The following KIF1B variants were observed in gnomAD, a reference collection of about 807,000 sequenced individuals.
KIF1B encodes the protein kinesin-like protein KIF1B.
KIF1B carries 76 observed loss-of-function variants against 241.9 expected under a neutral mutation model. The ratio of observed to expected loss-of-function variants is 0.31; its 90% confidence interval spans 0.26 to 0.38. The LOEUF is 0.38. KIF1B is among the 10% of genes least tolerant of loss of function. The pLI, the probability that KIF1B is intolerant of heterozygous loss-of-function variation, is 1.00. For missense variants in KIF1B, 1,622 were observed against 2,271.4 expected (o/e 0.71, Z 5.81); for synonymous variants, 750 against 796.7 (o/e 0.94, Z 0.99).
intron 34 of KIF1B, chr1:10,345,539 A>G (rs961494312): frequency 5.5e-6 from 2 of 364,842 alleles, no homozygotes; most frequent in Non-Finnish European, 1.0e-5. Context: ...ACAATCTGAG[A>G]TTCTGGAATT....
chr1:10,367,302 G>T (rs1557741110), intron 43 of KIF1B, among the ~76,000 whole-genome samples: 2 of 151,364 alleles, frequency 1.3e-5, no homozygotes, highest in South Asian at 4.2e-4. Flanking sequence ...CACCATGTTG[G>T]CCAGGCTGGT....
chr1:10,288,214 G>T (rs1355894401), intron 15 of KIF1B, among the ~76,000 whole-genome samples: 1 of 152,200 alleles, frequency 6.6e-6, no homozygotes, highest in Admixed American at 6.5e-5. Context: ...CTGGAGTGTA[G>T]TGGTGCAGTC....
At chr1:10,227,528 G>T (rs1358961689) in intron 1 of KIF1B, among the ~76,000 whole-genome samples, 5 of 152,018 alleles carry the variant, frequency 3.3e-5, no homozygotes, top group Non-Finnish European at 7.4e-5. Context: ...TTTTATTCAG[G>T]GTTTGGTTTT....
chr1:10,363,190 G>C (rs1376542999), intron 40 of KIF1B, 93 bp from the exon 41 acceptor site: 1 of 917,332 alleles, frequency 1.1e-6, no homozygotes, highest in Non-Finnish European at 1.8e-6. Context: ...TTGAGTCCCT[G>C]CAGAGAAGAC....
chr1:10,362,941 G>A (rs1401124152), intron 40 of KIF1B, among the ~76,000 whole-genome samples: 1 of 152,046 alleles, frequency 6.6e-6, no homozygotes, highest in Non-Finnish European at 1.5e-5. Context: ...GTATAGTGGT[G>A]TATGCCTGAA....
At chr1:10,249,358 T>A (rs188274593) in intron 2 of KIF1B, among the ~76,000 whole-genome samples, 2 of 152,272 alleles carry the variant, frequency 1.3e-5, no homozygotes, top group African/African-American at 4.8e-5. Context: ...TAGTAAAATC[T>A]ACTGGTATTT....
chr1:10,360,854 T>C (rs993903244), intron 38 of KIF1B, 75 bp from the exon 39 acceptor site: 2 of 953,918 alleles, frequency 2.1e-6, no homozygotes, highest in African/African-American at 1.6e-5. Flanking sequence ...TTTAGGATGA[T>C]TGACAGTGGC....
chr1:10,363,154 CAAAT>C, intron 40 of KIF1B, 125 bp from the exon 41 acceptor site: 1 of 694,924 alleles, frequency 1.4e-6, no homozygotes, highest in South Asian at 1.7e-5. Context: ...AGAGCGGTGA[CAAAT>C]AAGAAATGCC....
At chr1:10,229,864 T>G (rs1646956307) in intron 1 of KIF1B, among the ~76,000 whole-genome samples, 1 of 69,114 alleles carries the variant, frequency 1.4e-5, no homozygotes, top group Non-Finnish European at 2.3e-5. Flanking sequence ...TGAGACTCCG[T>G]CTCAAAAAAA....
chr1:10,247,553 G>T (rs1647243117), intron 2 of KIF1B, among the ~76,000 whole-genome samples: 1 of 152,204 alleles, frequency 6.6e-6, no homozygotes. Flanking sequence ...GCAAGTATTT[G>T]TTAAATGAAA....
At chr1:10,361,541 A>G (rs929945507) in intron 39 of KIF1B, 151 bp from the exon 40 acceptor site, 3 of 856,954 alleles carry the variant, frequency 3.5e-6, no homozygotes, top group Admixed American at 3.6e-5. Flanking sequence ...TCTTGCACAT[A>G]TTATCCATTG....
At chr1:10,255,271 T>G (rs1332708077) in intron 2 of KIF1B, among the ~76,000 whole-genome samples, 1 of 152,110 alleles carries the variant, frequency 6.6e-6, no homozygotes, top group Non-Finnish European at 1.5e-5. Context: ...TGTTCCAATA[T>G]TTCAGGGCTT....
At chr1:10,297,363 A>G (rs1650321067) in intron 22 of KIF1B, 117 bp downstream of exon 22, 3 of 879,542 alleles carry the variant, frequency 3.4e-6, no homozygotes, top group African/African-American at 1.7e-5. Context: ...ACCAAGCACT[A>G]TTCTTTAATT....
chr1:10,348,779 A>ATT (rs35253111), intron 37 of KIF1B, 46 bp downstream of exon 37: 2,274 of 1,246,100 alleles, frequency 1.8e-3, no homozygotes, highest in Non-Finnish European at 2.1e-3. Flanking sequence ...ACTTACAGAG[A>ATT]TTTTTTTTTT....
At position 10,297,196 on chromosome 1, in the gene KIF1B, T is replaced by C; in HGVS notation, c.2065T>C (p.Tyr689His). 6.2e-7 allele frequency: 1 copy of C among 1,612,454 alleles called. No homozygotes were observed. The highest frequency in any genetic ancestry group is 8.5e-7 in the Non-Finnish European group (1 of 1,179,048). The change falls in exon 22 of 49, where the codon TAC (tyrosine) becomes CAC (histidine). Residue 689 changes from tyrosine (Y) to histidine (H), a missense_variant. Physicochemically the swap from Tyr to His is moderately conservative, Grantham distance 83. Coordinates refer to ENST00000676179, the MANE Select transcript of KIF1B (RefSeq NM_001365951.3). ...EKRLQEMEIL[Y>H]KKEKEEADLL... is the part of the protein sequence containing the mutation. ...TAGGCTACAGGAAATGGAGATCTTA[T>C]ACAAAAAGGAGAAGGAAGAAGCAGA...
At chr1:10,294,325 TAATA>T (rs747558220) in intron 17 of KIF1B, among the ~76,000 whole-genome samples, 1 of 152,198 alleles carries the variant, frequency 6.6e-6, no homozygotes, top group African/African-American at 2.4e-5. Context: ...AGGTAAAGAC[TAATA>T]AATTAAAATC....
At chr1:10,328,902 T>C (rs1454935206) in intron 27 of KIF1B, among the ~76,000 whole-genome samples, 1 of 152,210 alleles carries the variant, frequency 6.6e-6, no homozygotes, top group Non-Finnish European at 1.5e-5. Flanking sequence ...TTTCATATTC[T>C]GTCATCTACA....
chr1:10,268,939 A>T (rs1343645172), intron 7 of KIF1B, among the ~76,000 whole-genome samples: 2 of 152,304 alleles, frequency 1.3e-5, no homozygotes, highest in Non-Finnish European at 2.9e-5. Context: ...GCGTTAATAT[A>T]GGTTAAGTGC....
intron 1 of KIF1B, among the ~76,000 whole-genome samples, chr1:10,225,434 A>G (rs1646897396): frequency 6.6e-6 from 1 of 152,322 alleles, no homozygotes; most frequent in Middle Eastern, 3.4e-3. Flanking sequence ...GCAGTGAGCC[A>G]TGATTCCCTT....
Sources: allele counts gnomAD v4.1 joint callset (sites outside exome capture counted in the v4.1 genomes callset), GRCh38; gene constraint gnomAD v4.1.1; transcripts MANE v1.5; gene names NCBI Gene and HGNC (gene_info 2026-07-23, HGNC 2026-07-21).